The following FSHR variants were observed in gnomAD, a reference collection of about 807,000 sequenced individuals.
FSHR encodes follicle-stimulating hormone receptor.
Under a neutral mutation model 52.1 loss-of-function variants are expected in FSHR, and 46 were observed. That is an observed-to-expected ratio of 0.88 (90% CI 0.70 to 1.13). The LOEUF is 1.13. Among genes scored for constraint, FSHR ranks in the 50% most tolerant of loss-of-function variants. The probability of loss-of-function intolerance (pLI) is 0.00; values close to 1 mark genes in which losing one functional copy is unlikely to be tolerated. For synonymous variants in FSHR, 399 were observed against 309.6 expected, an observed-to-expected ratio of 1.29 and a Z score of -3.03; for missense variants, 964 against 834.6, an observed-to-expected ratio of 1.16 and a Z score of -1.91.
intron 4 of FSHR, among the ~76,000 whole-genome samples, chr2:48,992,486 G>A (rs1231603171): frequency 1.3e-5 from 2 of 152,196 alleles, no homozygotes; most frequent in Non-Finnish European, 2.9e-5. Context: ...CCAGGGAAGT[G>A]GGGAGGAGTG....
In FSHR at chr2:48,989,273, C is replaced by CTTTTTTT. The variant is rs70946840; in HGVS notation, c.447-226_447-220dup. ...AAATGGAATTGCAGACATTCAGTGTCTTTTTTTTTTTTTTTTTTTTTTTTT... is the reference window on the plus strand; with the variant it reads ...AAATGGAATTGCAGACATTCAGTGTCTTTTTTTTTTTTTTTTTTTTTTTTTTTTTTTT... On this transcript the variant is annotated intron_variant, in intron 5 of 9. Transcript: ENST00000406846. Among the ~76,000 whole-genome samples, 130 of 120,806 alleles carry CTTTTTTT rather than the reference C, an allele frequency of 1.1e-3. 1 individual carries two copies. Among genetic ancestry groups the CTTTTTTT allele is most frequent in the African/African-American group, 4.4e-3 (121 of 27,462 alleles). The allele number at this position is 120,806 out of a possible 152,430, so 79.3% of individuals were successfully genotyped here.
At chr2:49,145,368 C>A (rs184298181) in intron 1 of FSHR, among the ~76,000 whole-genome samples, 2 of 152,050 alleles carry the variant, frequency 1.3e-5, no homozygotes, top group Admixed American at 6.6e-5. Context: ...AGGTCTGTGC[C>A]CTTCTTATAA....
At chr2:49,080,929 C>A (rs1435364783) in intron 1 of FSHR, among the ~76,000 whole-genome samples, 3 of 152,204 alleles carry the variant, frequency 2.0e-5, no homozygotes, top group African/African-American at 7.2e-5. Flanking sequence ...CAACTAGGGA[C>A]ATCCACTACA....
At chr2:49,037,508 G>C (rs1668309210) in intron 2 of FSHR, among the ~76,000 whole-genome samples, 1 of 152,134 alleles carries the variant, frequency 6.6e-6, no homozygotes, top group Admixed American at 6.5e-5. Context: ...AGCTGCAGCA[G>C]ATTTTAAAAT....
chr2:49,032,993 C>G (rs1033043341), intron 2 of FSHR, among the ~76,000 whole-genome samples: 11 of 152,186 alleles, frequency 7.2e-5, no homozygotes, highest in Admixed American at 6.5e-4. Flanking sequence ...TTTCAGAATT[C>G]ATTTGAATAC....
In FSHR at chr2:48,982,946, C is replaced by T; in HGVS notation, c.634G>A (p.Asp212Asn). 6.2e-7 allele frequency: 1 copy of T among 1,614,090 alleles called. No homozygotes were observed. The highest frequency in any genetic ancestry group is 1.1e-5 in the South Asian group (1 of 91,070). Residue 212 changes from aspartate (D) to asparagine (N), a missense_variant, in exon 8 of 10, where the codon GAT becomes AAT. By Grantham distance (23) the Asp-to-Asn change is conservative. Coordinates refer to ENST00000406846, the MANE Select transcript of FSHR (RefSeq NM_000145.4). ...DNNNLEELPN[D>N]VFHGASGPVI... ...GGTCCAGAGGCTCCGTGGAAAACAT[C>T]ATTAGGCAATTCTTCTAAATTATTA...
chr2:49,097,258 T>C (rs1190958319), intron 1 of FSHR, among the ~76,000 whole-genome samples: 1 of 152,192 alleles, frequency 6.6e-6, no homozygotes, highest in Non-Finnish European at 1.5e-5. Context: ...TTTTTTTTCA[T>C]TTGAGATTTT....
chr2:49,131,874 C>T (rs575432097), intron 1 of FSHR, among the ~76,000 whole-genome samples: 5 of 152,286 alleles, frequency 3.3e-5, no homozygotes, highest in East Asian at 1.9e-4. Context: ...CCAGCACATG[C>T]CTCACCCTTT....
intron 2 of FSHR, among the ~76,000 whole-genome samples, chr2:49,045,647 A>G (rs1668629581): frequency 6.6e-6 from 1 of 152,172 alleles, no homozygotes; most frequent in Admixed American, 6.6e-5. Flanking sequence ...GCTTGGGTCA[A>G]TTTTTATTAA....
chr2:49,074,207 GCTTCTTCACAGC>G (rs61201847), intron 1 of FSHR, among the ~76,000 whole-genome samples: 33,522 of 151,860 alleles, frequency 0.22, 3,777 homozygotes, highest in East Asian at 0.29. Flanking sequence ...AAACCAAAAA[GCTTCTTCACAGC>G]AAAGAAAACA....
intron 2 of FSHR, among the ~76,000 whole-genome samples, chr2:49,021,859 C>CTATATATA (rs1215761261): frequency 5.2e-5 from 2 of 38,372 alleles, no homozygotes; most frequent in Non-Finnish European, 9.4e-5. Context: ...CTCTCTCTCT[C>CTATATATA]TCTCTATATA....
chr2:49,125,624 G>A (rs536168322), intron 1 of FSHR, among the ~76,000 whole-genome samples: 78 of 152,304 alleles, frequency 5.1e-4, no homozygotes, highest in African/African-American at 1.8e-3. Flanking sequence ...TTGAATTCAC[G>A]AATGAATTGA....
intron 2 of FSHR, among the ~76,000 whole-genome samples, chr2:49,051,551 T>C (rs1162278581): frequency 1.3e-5 from 2 of 152,144 alleles, no homozygotes; most frequent in Non-Finnish European, 2.9e-5. Context: ...TATTTTTTAC[T>C]TCTTTATATA....
chr2:49,106,809 C>T (rs1671240267), intron 1 of FSHR, among the ~76,000 whole-genome samples: 1 of 152,120 alleles, frequency 6.6e-6, no homozygotes, highest in Admixed American at 6.5e-5. Flanking sequence ...TACCGCTTCA[C>T]AATGGTGGTC....
intron 1 of FSHR, among the ~76,000 whole-genome samples, chr2:49,131,843 T>C (rs1672291310): frequency 6.6e-6 from 1 of 152,204 alleles, no homozygotes; most frequent in Admixed American, 6.5e-5. Context: ...TACTACCATA[T>C]ATTTAAATCC....
chr2:49,070,635 A>G (rs1185355445), intron 1 of FSHR, among the ~76,000 whole-genome samples: 2 of 152,166 alleles, frequency 1.3e-5, no homozygotes, highest in South Asian at 4.1e-4. Flanking sequence ...AATAATGTCA[A>G]CTACAAAGCA....
intron 2 of FSHR, among the ~76,000 whole-genome samples, chr2:49,020,848 A>G (rs1215506320): frequency 1.3e-5 from 2 of 152,178 alleles, no homozygotes; most frequent in Non-Finnish European, 2.9e-5. Context: ...ACAGAAAGCC[A>G]AACACCGCAT....
At chr2:48,964,025 C>T in intron 9 of FSHR, 59 bp from the exon 10 acceptor site, 2 of 1,520,560 alleles carry the variant, frequency 1.3e-6, no homozygotes, top group South Asian at 1.1e-5. Flanking sequence ...GCAAATACAT[C>T]ACTGTCTTTG....
intron 1 of FSHR, among the ~76,000 whole-genome samples, chr2:49,075,287 T>C (rs937999574): frequency 1.3e-5 from 2 of 152,034 alleles, no homozygotes; most frequent in African/African-American, 4.8e-5. Context: ...ATCACTATGC[T>C]CCCCATAAAT....
Sources: gnomAD v4.1 joint callset for allele counts (sites outside exome capture counted in the v4.1 genomes callset) on GRCh38, gnomAD v4.1.1 for gene constraint, MANE v1.5 for transcripts, NCBI Gene and HGNC (gene_info 2026-07-23, HGNC 2026-07-21) for gene names.